SUMF1: variants seen among roughly 807,000 people sequenced by gnomAD.
SUMF1 encodes formylglycine-generating enzyme.
Under a neutral mutation model 47.6 loss-of-function variants are expected in SUMF1, and 48 were observed. The ratio of observed to expected loss-of-function variants is 1.01; its 90% confidence interval spans 0.80 to 1.28. SUMF1 has a LOEUF of 1.28. Among genes scored for constraint, SUMF1 ranks in the 50% most tolerant of loss-of-function variants. The pLI, the probability that SUMF1 is intolerant of heterozygous loss-of-function variation, is 0.00. For synonymous variants in SUMF1, 230 were observed against 192.1 expected, an observed-to-expected ratio of 1.20 and a Z score of -1.63; for missense variants, 571 against 485.4, an observed-to-expected ratio of 1.18 and a Z score of -1.66.
intron 8 of SUMF1, among the ~76,000 whole-genome samples, chr3:4,334,250 T>TA (rs1411799340): frequency 6.6e-6 from 1 of 152,202 alleles, no homozygotes; most frequent in Non-Finnish European, 1.5e-5. Context: ...TAGAGCTCTC[T>TA]AAAAAAATCC....
intron 8 of SUMF1, among the ~76,000 whole-genome samples, chr3:4,237,334 T>C (rs1408003698): frequency 6.6e-6 from 1 of 152,262 alleles, no homozygotes; most frequent in South Asian, 2.1e-4. Flanking sequence ...AATCAATGTG[T>C]ACTGGTATCT....
chr3:4,311,260 C>G (rs1051816614), intron 8 of SUMF1, among the ~76,000 whole-genome samples: 3 of 152,130 alleles, frequency 2.0e-5, no homozygotes, highest in Non-Finnish European at 2.9e-5. Flanking sequence ...CCGAGGCCTC[C>G]ACAGGGAGTA....
At chr3:4,106,660 AG>A (rs1693165260) in intron 8 of SUMF1, among the ~76,000 whole-genome samples, 1 of 152,192 alleles carries the variant, frequency 6.6e-6, no homozygotes, top group Admixed American at 6.5e-5. Flanking sequence ...TAATCCACAA[AG>A]TAGTCAAACC....
chr3:4,265,134 C>G (rs1697163673), intron 8 of SUMF1, among the ~76,000 whole-genome samples: 4 of 68,540 alleles, frequency 5.8e-5, no homozygotes. Context: ...GAGACTCCAT[C>G]TCAAAAAAAA....
At chr3:4,177,223 C>T (rs1694985833) in intron 8 of SUMF1, among the ~76,000 whole-genome samples, 1 of 152,154 alleles carries the variant, frequency 6.6e-6, no homozygotes, top group Admixed American at 6.6e-5. Context: ...AAGACCAAAT[C>T]AACAGAATAT....
At chr3:4,421,015 G>T (rs768226194) in intron 3 of SUMF1, among the ~76,000 whole-genome samples, 3 of 152,180 alleles carry the variant, frequency 2.0e-5, no homozygotes, top group Non-Finnish European at 4.4e-5. Context: ...ACCTAACTCA[G>T]AATACAGAGG....
intron 4 of SUMF1, 113 bp downstream of exon 4, chr3:4,419,951 T>G (rs1701836173): frequency 8.2e-6 from 7 of 858,184 alleles, no homozygotes; most frequent in Non-Finnish European, 1.4e-5. Context: ...AATTACAGTT[T>G]GTCATTCTTA....
chr3:4,378,115 T>C (rs1299194723), intron 7 of SUMF1, among the ~76,000 whole-genome samples: 2 of 152,210 alleles, frequency 1.3e-5, no homozygotes, highest in Non-Finnish European at 2.9e-5. Context: ...TTGAAAATAT[T>C]ATTAAGTCAA....
intron 3 of SUMF1, among the ~76,000 whole-genome samples, chr3:4,425,197 C>T (rs1702030372): frequency 6.6e-6 from 1 of 152,140 alleles, no homozygotes; most frequent in South Asian, 2.1e-4. Flanking sequence ...GCTGCCTAAG[C>T]TTGAACAACA....
intron 8 of SUMF1, among the ~76,000 whole-genome samples, chr3:4,201,684 G>A (rs1695543364): frequency 6.6e-6 from 1 of 151,996 alleles, no homozygotes; most frequent in Admixed American, 6.6e-5. Context: ...GGATCATGTG[G>A]TAGTTCTATT....
At chr3:4,212,079 C>G (rs1049324629) in intron 8 of SUMF1, among the ~76,000 whole-genome samples, 5 of 152,178 alleles carry the variant, frequency 3.3e-5, no homozygotes, top group Admixed American at 6.5e-5. Context: ...TCGAGCTCTG[C>G]TAAGGGTCAG....
At chr3:4,455,167 A>G (rs1703113056) in intron 1 of SUMF1, among the ~76,000 whole-genome samples, 1 of 152,210 alleles carries the variant, frequency 6.6e-6, no homozygotes, top group African/African-American at 2.4e-5. Flanking sequence ...TTATTTTCAA[A>G]TCATTTGAGT....
In SUMF1 at chr3:4,194,804, T is replaced by C. The variant is rs529684333; in HGVS notation, c.1015-126059A>G. Among the ~76,000 whole-genome samples the C allele has an allele frequency of 2.0e-5, 3 of 152,304 alleles. No individual in the cohort carries two copies. The East Asian group carries it at 5.8e-4, about 29-fold the overall frequency. On this transcript the variant is annotated intron_variant and NMD_transcript_variant, in intron 8 of 12. Transcript: ENST00000448413. ...TGTAAGCACCCATTAATACGGTCAATACAGTTCCCATATAATACAGAATTT... is the reference window on the plus strand; with the variant it reads ...TGTAAGCACCCATTAATACGGTCAACACAGTTCCCATATAATACAGAATTT...
At chr3:4,299,955 T>A (rs1187379533) in intron 8 of SUMF1, among the ~76,000 whole-genome samples, 1 of 152,228 alleles carries the variant, frequency 6.6e-6, no homozygotes, top group Non-Finnish European at 1.5e-5. Context: ...ACTCTTACAT[T>A]TTGATTCTTT....
At chr3:4,299,745 G>A (rs560052334) in intron 8 of SUMF1, among the ~76,000 whole-genome samples, 2 of 152,312 alleles carry the variant, frequency 1.3e-5, no homozygotes, top group South Asian at 4.1e-4. Flanking sequence ...AAGAGGTGGA[G>A]GTTGCAGTGA....
chr3:4,128,195 A>C (rs775108102), intron 8 of SUMF1, among the ~76,000 whole-genome samples: 3 of 152,174 alleles, frequency 2.0e-5, no homozygotes, highest in Non-Finnish European at 4.4e-5. Flanking sequence ...AAGTTGTGGA[A>C]AAACAGACAG....
At chr3:4,069,371 T>C (rs1695461881) in intron 8 of SUMF1, among the ~76,000 whole-genome samples, 1 of 152,104 alleles carries the variant, frequency 6.6e-6, no homozygotes, top group African/African-American at 2.4e-5. Context: ...CTCAGAAGAG[T>C]GCCACACTTG....
intron 8 of SUMF1, among the ~76,000 whole-genome samples, chr3:4,321,420 C>A (rs1698827159): frequency 8.4e-6 from 1 of 119,190 alleles, no homozygotes. Context: ...AGAAGGAAAT[C>A]AACAAGCTGA....
rs61066874 is a variant in SUMF1 at position 4,268,499 on chromosome 3, CTTT to C, written c.1014+107828_1014+107830del. Among the ~76,000 whole-genome samples the C allele has an allele frequency of 6.8e-3, 798 of 117,274 alleles. 9 individuals are homozygous for C. The highest frequency in any genetic ancestry group is 0.024 in the African/African-American group (760 of 31,852). The allele number at this position is 117,274 out of a possible 152,430, so 76.9% of individuals were successfully genotyped here. ...TTACATAGTAAAATAAAATGTTTTT[CTTT>C]TTTTTTTTTTTTTTTCAGATCAATG... On this transcript the variant is annotated intron_variant and NMD_transcript_variant, in intron 8 of 12. Transcript: ENST00000448413.
Sources: gnomAD v4.1 joint callset for allele counts (sites outside exome capture counted in the v4.1 genomes callset) on GRCh38, gnomAD v4.1.1 for gene constraint, MANE v1.5 for transcripts, NCBI Gene and HGNC (gene_info 2026-07-23, HGNC 2026-07-21) for gene names.